PI4KA: variants seen among roughly 807,000 people sequenced by gnomAD.
PI4KA encodes the protein phosphatidylinositol 4-kinase alpha, also known as PI4-kinase alpha.
A neutral mutation model predicts 271.4 loss-of-function variants in PI4KA; 122 were observed. The ratio of observed to expected loss-of-function variants is 0.45; its 90% CI spans 0.39 to 0.52. PI4KA has a LOEUF of 0.52. Among genes scored for constraint, PI4KA ranks in the 20% least tolerant of loss-of-function variants. The pLI, the probability that PI4KA is intolerant of heterozygous loss-of-function variation, is 0.00. For missense variants in PI4KA, 1,969 were observed against 2,769.1 expected, an observed-to-expected ratio of 0.71 and a Z score of 6.48; for synonymous variants, 1,041 against 1,078.8, an observed-to-expected ratio of 0.96 and a Z score of 0.69.
At chr22:20,728,293 C>G in intron 39 of PI4KA, among the ~76,000 whole-genome samples, 1 of 152,072 alleles carries the variant, frequency 6.6e-6, no homozygotes. Context: ...AGCCAGGTGA[C>G]GGCTAAATGT....
intron 27 of PI4KA, among the ~76,000 whole-genome samples, chr22:20,751,056 G>A (rs1930627070): frequency 1.3e-5 from 2 of 152,016 alleles, no homozygotes; most frequent in African/African-American, 2.4e-5. Context: ...GAGTCAACAT[G>A]GCTGAGGTGG....
chr22:20,769,964 G>A (rs186741456), intron 19 of PI4KA, among the ~76,000 whole-genome samples: 1 of 152,230 alleles, frequency 6.6e-6, no homozygotes, highest in South Asian at 2.1e-4. Context: ...GTCTTTAAGT[G>A]GATATGGAAA....
At chr22:20,729,587 A>C (rs1927768630) in intron 38 of PI4KA, 45 bp downstream of exon 38, 1 of 1,552,130 alleles carries the variant, frequency 6.4e-7, no homozygotes, top group Non-Finnish European at 8.7e-7. Flanking sequence ...GGTGTCGTAC[A>C]GGCAGGTGGC....
rs759317070 is a variant in PI4KA at position 20,742,263 on chromosome 22, A to C, written c.3706T>G (p.Trp1236Gly). Residue 1236 changes from tryptophan (W) to glycine (G), a missense_variant, in exon 32 of 55, where the codon TGG (tryptophan) becomes GGG (glycine). Around this residue, in one of 13 missense-constraint regions of PI4KA, gnomAD observed 203 missense variants for 256.8 expected, o/e 0.79. Coordinates refer to ENST00000255882, the MANE Select transcript of PI4KA (RefSeq NM_058004.4). ...ACTCCATCCTTGCCAGCCAGCAGCC[A>C]CTCCCAGCAGGCCAGGGCCGTCTCC... is the stretch of plus-strand genomic sequence containing the variant. ...GMETALACWE[W>G]LLAGKDGVEV... The C allele has an allele frequency of 6.2e-7, 1 of 1,613,836 alleles. No individual in the cohort carries two copies. Among genetic ancestry groups the C allele is most frequent in the African/African-American group, 1.3e-5 (1 of 74,854 alleles).
intron 4 of PI4KA, 150 bp from the exon 5 acceptor site, chr22:20,820,761 C>T: frequency 1.6e-6 from 1 of 622,030 alleles, no homozygotes; most frequent in Non-Finnish European, 2.8e-6. Flanking sequence ...GCCAAGTGGC[C>T]AACCAGCTGA....
intron 1 of PI4KA, among the ~76,000 whole-genome samples, chr22:20,839,082 T>G (rs186711031): frequency 6.6e-6 from 1 of 152,160 alleles, no homozygotes; most frequent in East Asian, 1.9e-4. Flanking sequence ...CCAGGCGTGG[T>G]GGCGCACACC....
chr22:20,836,981 A>T (rs1277420072), intron 2 of PI4KA, among the ~76,000 whole-genome samples: 1 of 152,230 alleles, frequency 6.6e-6, no homozygotes, highest in African/African-American at 2.4e-5. Context: ...GAACAACAAT[A>T]GTTTCTTATA....
At chr22:20,840,869 T>A (rs1033309323) in intron 1 of PI4KA, among the ~76,000 whole-genome samples, 2 of 151,964 alleles carry the variant, frequency 1.3e-5, no homozygotes, top group Admixed American at 1.3e-4. Flanking sequence ...ATAACAAAAT[T>A]AATCAGCTAT....
At chr22:20,794,416 C>T (rs1437923306) in intron 18 of PI4KA, among the ~76,000 whole-genome samples, 1 of 152,140 alleles carries the variant, frequency 6.6e-6, no homozygotes, top group East Asian at 1.9e-4. Flanking sequence ...CCTAAGGTCC[C>T]GCTAGACACG....
At chr22:20,818,287 A>C (rs931405023) in intron 7 of PI4KA, among the ~76,000 whole-genome samples, 196 bp downstream of exon 7, 5 of 152,186 alleles carry the variant, frequency 3.3e-5, no homozygotes, top group Admixed American at 6.5e-5. Flanking sequence ...ACTTTTCTCT[A>C]TATATAAAAT....
intron 1 of PI4KA, among the ~76,000 whole-genome samples, chr22:20,842,355 T>A (rs1484717577): frequency 6.6e-6 from 1 of 152,202 alleles, no homozygotes; most frequent in Non-Finnish European, 1.5e-5. Flanking sequence ...GTGTTTCTAA[T>A]CTACAGAACT....
At chr22:20,810,890 G>C in intron 9 of PI4KA, 77 bp downstream of exon 9, 1 of 1,102,562 alleles carries the variant, frequency 9.1e-7, no homozygotes, top group East Asian at 2.4e-5. Flanking sequence ...TCCAGCCCCC[G>C]CTCAAACTCT....
chr22:20,786,079 G>A, intron 19 of PI4KA: 6 of 1,614,102 alleles, frequency 3.7e-6, no homozygotes, highest in Non-Finnish European at 5.1e-6. Flanking sequence ...AGTTGATGGG[G>A]ATCAGGATGC....
chr22:20,753,860 G>A (rs967676286), intron 23 of PI4KA, among the ~76,000 whole-genome samples: 1 of 152,074 alleles, frequency 6.6e-6, no homozygotes, highest in African/African-American at 2.4e-5. Context: ...CTAATTTTTT[G>A]TATTTTTAGT....
At chr22:20,854,894 G>C (rs1277996560) in intron 1 of PI4KA, among the ~76,000 whole-genome samples, 1 of 152,180 alleles carries the variant, frequency 6.6e-6, no homozygotes, top group African/African-American at 2.4e-5. Flanking sequence ...GCTCACGCCT[G>C]CAATCCTGGC....
At chr22:20,833,255 C>A (rs550283874) in intron 3 of PI4KA, among the ~76,000 whole-genome samples, 1 of 152,136 alleles carries the variant, frequency 6.6e-6, no homozygotes, top group South Asian at 2.1e-4. Context: ...TGAGAACATG[C>A]AGCACTGGAG....
chr22:20,794,126 T>C (rs1194460903), intron 18 of PI4KA, among the ~76,000 whole-genome samples: 2 of 152,236 alleles, frequency 1.3e-5, no homozygotes, highest in Non-Finnish European at 2.9e-5. Context: ...TTAAAAAGAA[T>C]GCCAAGCTGT....
rs1362696873 is a variant in PI4KA, at chr22:20,717,739, C to G, written c.5286G>C (p.Leu1762=). 1.3e-6 allele frequency: 2 copies of G among 1,580,892 alleles called. No individual in the cohort carries two copies. The highest frequency in any genetic ancestry group is 8.6e-7 in the Non-Finnish European group (1 of 1,161,700). The change falls in exon 45 of 55, where the codon CTG becomes CTC. Residue 1762 remains leucine (L), a synonymous_variant. Transcript: ENST00000255882. ...PKGDERKKAC[L]SALSEVKVQP... is the part of the protein sequence containing the mutation. ...GCACCTTCACTTCAGACAGGGCCGA[C>G]AGACAAGCCTTCTTTCTCTCGTCGC... is the stretch of plus-strand genomic sequence containing the variant.
chr22:20,827,135 T>C (rs541968376), intron 3 of PI4KA, among the ~76,000 whole-genome samples: 30 of 152,340 alleles, frequency 2.0e-4, no homozygotes, highest in Non-Finnish European at 4.0e-4. Context: ...TGCCAGGGTC[T>C]ATGTCCAGAG....
Sources: gnomAD v4.1 joint callset for allele counts (sites outside exome capture counted in the v4.1 genomes callset) on GRCh38, gnomAD v4.1.1 for gene constraint, gnomAD v4.1.1 regional missense constraint, MANE v1.5 for transcripts, NCBI Gene and HGNC (gene_info 2026-07-23, HGNC 2026-07-21) for gene names.